Variants in RNF10 observed in about 807,000 individuals in gnomAD.
RNF10 encodes the protein E3 ubiquitin-protein ligase RNF10.
RNF10 carries 38 observed loss-of-function variants against 91.4 expected under a neutral mutation model. The ratio of observed to expected loss-of-function variants is 0.42; its 90% confidence interval spans 0.32 to 0.54. The LOEUF (loss-of-function observed/expected upper bound fraction) is 0.54. Among genes scored for constraint, RNF10 ranks in the 20% least tolerant of loss-of-function variants. The probability of loss-of-function intolerance (pLI) is 0.16; values close to 1 mark genes in which losing one functional copy is unlikely to be tolerated. For missense variants in RNF10, 945 were observed against 1,012.0 expected (o/e 0.93, Z 0.90); for synonymous variants, 364 against 366.3 (o/e 0.99, Z 0.07).
Position 120,566,894 on chromosome 12 carries a change from C to G in RNF10, c.1955C>G (p.Ser652Cys). Residue 652 changes from serine to cysteine, a missense_variant, in exon 13 of 17, where the codon TCT (serine) becomes TGT (cysteine). Ser to Cys is a moderately radical substitution (Grantham distance 112). Transcript: ENST00000325954. ...GCCTTCAATTCTTATACCTGCTCCT[C>G]TGATTCTGCTTTGGGTCCCACCAGC... ...FPAFNSYTCSSDSALGPTSTE... is the reference protein window; with the variant it reads ...FPAFNSYTCSCDSALGPTSTE... 1.2e-6 allele frequency: 2 copies of G among 1,614,042 alleles called. No individual in the cohort carries two copies. The highest frequency in any genetic ancestry group is 1.7e-6 in the Non-Finnish European group (2 of 1,179,938).
intron 1 of RNF10, among the ~76,000 whole-genome samples, chr12:120,536,296 C>CA (rs1012529120): frequency 6.6e-6 from 1 of 151,930 alleles, no homozygotes; most frequent in African/African-American, 2.4e-5. Flanking sequence ...TGGTGGCACA[C>CA]ACCTGTAACC....
chr12:120,556,530 C>CA (rs34889649), intron 4 of RNF10, among the ~76,000 whole-genome samples: 7,229 of 19,218 alleles, frequency 0.38, 3,040 homozygotes, highest in East Asian at 0.6. Context: ...GACTCCGTCT[C>CA]AAAAAAAAAA....
chr12:120,537,264 G>A (rs1593041639), intron 1 of RNF10, among the ~76,000 whole-genome samples: 1 of 151,834 alleles, frequency 6.6e-6, no homozygotes, highest in African/African-American at 2.4e-5. Context: ...AGTGAGCCAC[G>A]ATCACTCCAC....
At chr12:120,541,873 CT>C (rs542979603) in intron 1 of RNF10, among the ~76,000 whole-genome samples, 54 of 143,498 alleles carry the variant, frequency 3.8e-4, no homozygotes, top group Non-Finnish European at 3.7e-4. Flanking sequence ...TTATCTTTTT[CT>C]TTTTTTTTTT....
intron 6 of RNF10, among the ~76,000 whole-genome samples, chr12:120,558,046 AG>A (rs368063696): frequency 2.5e-4 from 38 of 152,326 alleles, no homozygotes; most frequent in Middle Eastern, 3.4e-3. Context: ...GAGTGTGATA[AG>A]TGCTCACAAT....
intron 13 of RNF10, among the ~76,000 whole-genome samples, chr12:120,567,518 C>G (rs994710709): frequency 2.6e-5 from 4 of 151,790 alleles, no homozygotes; most frequent in Non-Finnish European, 5.9e-5. Context: ...CTGACCAACA[C>G]AGTGAAACCC....
chr12:120,550,882 C>T (rs1872948032), intron 2 of RNF10, among the ~76,000 whole-genome samples: 1 of 152,066 alleles, frequency 6.6e-6, no homozygotes, highest in African/African-American at 2.4e-5. Context: ...AGGCATGAGC[C>T]ACCACACCCG....
rs1871222041 is a variant in RNF10, at chr12:120,539,189, CT to C, written c.157+4222del. Among the ~76,000 whole-genome samples, 3 of 152,212 alleles carry C rather than the reference CT, an allele frequency of 2.0e-5. No homozygotes were observed. In the East Asian group the frequency reaches 5.8e-4, roughly 29 times the overall value. On this transcript the variant is annotated intron_variant, in intron 1 of 16. Transcript: ENST00000325954. ...GAGGAAGTATGGTAGAATATTAGTC[CT>C]GTTTCACAGAAAAGAAAATAGAGGC...
intron 1 of RNF10, among the ~76,000 whole-genome samples, chr12:120,537,948 T>C (rs1018523342): frequency 7.2e-5 from 11 of 152,208 alleles, no homozygotes; most frequent in African/African-American, 2.7e-4. Flanking sequence ...ACGTAACAGC[T>C]AAGACCAGTG....
chr12:120,552,835 C>CACTGCCCCGCCCTTCCTTTCTTTT, intron 3 of RNF10, 137 bp downstream of exon 3: 1 of 727,328 alleles, frequency 1.4e-6, no homozygotes, highest in African/African-American at 1.8e-5. Flanking sequence ...TTCTGTTCAC[C>CACTGCCCCGCCCTTCCTTTCTTTT]ACTGCCCCGC....
At chr12:120,544,482 C>T (rs1263997351) in intron 1 of RNF10, among the ~76,000 whole-genome samples, 1 of 152,006 alleles carries the variant, frequency 6.6e-6, no homozygotes, top group Non-Finnish European at 1.5e-5. Context: ...CAAAGGCAAA[C>T]CTCGTCTCTA....
Position 120,534,774 on chromosome 12 carries a change from C to T in RNF10, c.-38C>T. 5 of 1,534,472 alleles carry T rather than the reference C, an allele frequency of 3.3e-6. No homozygotes were observed. The highest frequency in any genetic ancestry group is 1.7e-4 in the Middle Eastern group (1 of 5,888). On this transcript the variant is annotated 5_prime_UTR_variant, in exon 1 of 17. Coordinates refer to ENST00000325954, the MANE Select transcript of RNF10 (RefSeq NM_014868.5). ...TGAGCCTGGGTCCCCGCCGCGCCCGCTCCGCTCCGACTGCCGTCGCCGCCG... is the reference window on the plus strand; with the variant it reads ...TGAGCCTGGGTCCCCGCCGCGCCCGTTCCGCTCCGACTGCCGTCGCCGCCG...
rs766105279 is a variant in RNF10, at chr12:120,565,470, G to T, written c.1826G>T (p.Arg609Leu). Residue 609 changes from arginine to leucine, a missense_variant, in exon 12 of 17, where the codon CGG becomes CTG. Transcript: ENST00000325954. ...AAACGTCAGCGCCAAAAGAAGGCTCGGGAGGAACGCCGCCGAGAGCGCAGG... is the reference window on the plus strand; with the variant it reads ...AAACGTCAGCGCCAAAAGAAGGCTCTGGAGGAACGCCGCCGAGAGCGCAGG... Reference protein sequence around the residue: ...KRKRQRQKKAREERRRERRIE... With the variant: ...KRKRQRQKKALEERRRERRIE... The T allele has an allele frequency of 6.2e-7, 1 of 1,614,042 alleles. No homozygotes were observed.
rs771132242 is a variant in RNF10 at position 120,575,820 on chromosome 12, T to C, written c.2229T>C (p.Pro743=). Reference sequence around the variant, plus strand: ...AGAACAGCTTAGTTCCTCCTGCCCCTGTGGACAGCGACGGGGAGAGTGATA... The same window carrying C: ...AGAACAGCTTAGTTCCTCCTGCCCCCGTGGACAGCGACGGGGAGAGTGATA... ...KDENSLVPPA[P]VDSDGESDNS... Residue 743 remains proline, a synonymous_variant, in exon 16 of 17, where the codon CCT becomes CCC. Transcript: ENST00000325954. The C allele has an allele frequency of 6.8e-6, 11 of 1,614,084 alleles. No homozygotes were observed. Among genetic ancestry groups the C allele is most frequent in the Non-Finnish European group, 8.5e-6 (10 of 1,180,016 alleles).
chr12:120,556,987 C>G (rs1384289926), intron 4 of RNF10, among the ~76,000 whole-genome samples: 3 of 149,436 alleles, frequency 2.0e-5, no homozygotes. Flanking sequence ...CCCGTCTCTA[C>G]TAAAAAATTA....
At chr12:120,560,162 T>C (rs905431979) in intron 6 of RNF10, among the ~76,000 whole-genome samples, 2 of 150,864 alleles carry the variant, frequency 1.3e-5, no homozygotes, top group Non-Finnish European at 3.0e-5. Flanking sequence ...TTGTTTTTTT[T>C]TTTTTTGAGA....
At chr12:120,535,013 T>A in intron 1 of RNF10, 45 bp downstream of exon 1, 1 of 1,531,284 alleles carries the variant, frequency 6.5e-7, no homozygotes, top group African/African-American at 1.4e-5. Context: ...CTGCCCCTGC[T>A]GCTGGGGAGA....
In RNF10 at chr12:120,565,071, G is replaced by C; in HGVS notation, c.1666-1G>C. 1 of 1,608,292 alleles carries C rather than the reference G, an allele frequency of 6.2e-7. No homozygotes were observed. Among genetic ancestry groups the C allele is most frequent in the Non-Finnish European group, 8.5e-7 (1 of 1,174,886 alleles). On this transcript the variant is annotated splice_acceptor_variant, in intron 10 of 16. Transcript: ENST00000325954. LOFTEE classifies it high-confidence loss of function. ...GAGTATTGGTCCTTTTTCCAATGTA[G>C]GATGTTCGACAGCGTCACAGATATC...
Position 120,535,292 on chromosome 12 carries a change from TC to T in RNF10, c.157+325del, listed in dbSNP as rs1170803551. On this transcript the variant is annotated intron_variant, in intron 1 of 16. Coordinates refer to ENST00000325954, the MANE Select transcript of RNF10 (RefSeq NM_014868.5). ...CTTAAGACTTGGTTTGTGTGACTCA[TC>T]AGTCCACGCTCCTAAAACCACTAAG... The T allele has an allele frequency of 7.7e-4, 188 of 245,492 alleles. 1 individual carries two copies. Among genetic ancestry groups the T allele is most frequent in the African/African-American group, 3.9e-3 (170 of 43,864 alleles). The allele number at this position is 245,492 out of a possible 1,614,324, so 15.2% of individuals were successfully genotyped here.
Sources: gnomAD v4.1 joint callset for allele counts (sites outside exome capture counted in the v4.1 genomes callset) on GRCh38, gnomAD v4.1.1 for gene constraint, MANE v1.5 for transcripts, NCBI Gene and HGNC (gene_info 2026-07-23, HGNC 2026-07-21) for gene names.